TOM1L1: variants seen among roughly 807,000 people sequenced by gnomAD.
TOM1L1 encodes the protein target of myb1 like 1 membrane trafficking protein, also known as TOM1-like protein 1.
TOM1L1 carries 64 observed loss-of-function variants against 63.4 expected under a neutral mutation model. That is an observed-to-expected ratio of 1.01 (90% confidence interval 0.83 to 1.24). TOM1L1 has a LOEUF of 1.24. TOM1L1 is among the 50% of genes most tolerant of loss of function. The pLI is 0.00. For synonymous variants in TOM1L1, 166 were observed against 194.4 expected, an observed-to-expected ratio of 0.85 and a Z score of 1.22; for missense variants, 536 against 567.0, an observed-to-expected ratio of 0.95 and a Z score of 0.55.
intron 7 of TOM1L1, among the ~76,000 whole-genome samples, chr17:54,922,732 A>G (rs930537248): frequency 6.6e-6 from 1 of 152,222 alleles, no homozygotes; most frequent in African/African-American, 2.4e-5. Context: ...AAGGAAGAAG[A>G]AGAGAAATTG....
chr17:54,904,654 C>G (rs1567818282), intron 2 of TOM1L1, among the ~76,000 whole-genome samples: 1 of 152,148 alleles, frequency 6.6e-6, no homozygotes, highest in Non-Finnish European at 1.5e-5. Flanking sequence ...TCTTAAACTT[C>G]TTAAACTTTC....
At chr17:54,923,219 T>C (rs1205982102) in intron 7 of TOM1L1, among the ~76,000 whole-genome samples, 1 of 152,244 alleles carries the variant, frequency 6.6e-6, no homozygotes, top group Non-Finnish European at 1.5e-5. Flanking sequence ...TTTCTTTGAA[T>C]ACCTGTGTTC....
chr17:54,960,554 G>T lies in TOM1L1; in HGVS notation c.1371-12G>T. 6.2e-7 allele frequency: 1 copy of T among 1,610,984 alleles called. No individual in the cohort carries two copies. The highest frequency in any genetic ancestry group is 1.1e-5 in the South Asian group (1 of 90,992). On this transcript the variant is annotated splice_polypyrimidine_tract_variant and intron_variant, in intron 14 of 15. Coordinates refer to ENST00000575882, the MANE Select transcript of TOM1L1 (RefSeq NM_005486.3). Reference sequence around the variant, plus strand: ...GATACATAACCCTTTTGCTGTGATGGCTTTGTTTCAGAGCTATTTATGAAG... The same window carrying T: ...GATACATAACCCTTTTGCTGTGATGTCTTTGTTTCAGAGCTATTTATGAAG...
At chr17:54,933,187 T>A (rs1372988520) in intron 8 of TOM1L1, among the ~76,000 whole-genome samples, 1 of 152,210 alleles carries the variant, frequency 6.6e-6, no homozygotes, top group East Asian at 1.9e-4. Flanking sequence ...TTGCAACAGC[T>A]AGAGGCTGTT....
intron 9 of TOM1L1, among the ~76,000 whole-genome samples, 167 bp downstream of exon 9, chr17:54,936,876 C>T (rs1187524357): frequency 2.1e-5 from 2 of 96,074 alleles, no homozygotes; most frequent in Admixed American, 9.6e-5. Context: ...ATGTTATTAA[C>T]GTTAATGTTA....
chr17:54,939,059 C>A, intron 11 of TOM1L1, 39 bp downstream of exon 11: 2 of 1,311,058 alleles, frequency 1.5e-6, no homozygotes, highest in Non-Finnish European at 2.2e-6. Flanking sequence ...AATATCATGA[C>A]ATTTAGATTC....
chr17:54,929,606 A>G (rs2048823013), intron 7 of TOM1L1, among the ~76,000 whole-genome samples: 1 of 152,164 alleles, frequency 6.6e-6, no homozygotes, highest in Non-Finnish European at 1.5e-5. Context: ...ATAACATTTT[A>G]TGTTTATGCT....
intron 14 of TOM1L1, chr17:54,957,682 T>C (rs2076980012): frequency 6.6e-6 from 1 of 152,070 alleles, no homozygotes; most frequent in Non-Finnish European, 1.5e-5. Context: ...TGCAGGAAAT[T>C]ACTGGGTTTT....
At chr17:54,919,385 C>T (rs1171328419) in intron 7 of TOM1L1, among the ~76,000 whole-genome samples, 2 of 152,150 alleles carry the variant, frequency 1.3e-5, no homozygotes, top group African/African-American at 4.8e-5. Flanking sequence ...GACTTTTTCT[C>T]TCATATTCTC....
intron 11 of TOM1L1, among the ~76,000 whole-genome samples, chr17:54,942,101 G>A (rs2049040118): frequency 6.6e-6 from 1 of 151,768 alleles, no homozygotes; most frequent in South Asian, 2.1e-4. Context: ...TAAAACATAG[G>A]TCATTTTTTT....
intron 7 of TOM1L1, among the ~76,000 whole-genome samples, chr17:54,920,916 A>G (rs2048673490): frequency 1.3e-5 from 2 of 151,930 alleles, no homozygotes; most frequent in South Asian, 2.1e-4. Context: ...TTTCTCAGGA[A>G]AATTATGTAT....
chr17:54,904,663 T>C (rs1171211738), intron 2 of TOM1L1, among the ~76,000 whole-genome samples: 1 of 152,240 alleles, frequency 6.6e-6, no homozygotes, highest in Non-Finnish European at 1.5e-5. Flanking sequence ...TCTTAAACTT[T>C]CGAGAATCGA....
intron 7 of TOM1L1, 183 bp downstream of exon 7, chr17:54,916,045 C>A: frequency 2.0e-6 from 1 of 489,816 alleles, no homozygotes; most frequent in Non-Finnish European, 3.6e-6. Flanking sequence ...GCAGTAGTAA[C>A]TTAGACATGG....
intron 7 of TOM1L1, among the ~76,000 whole-genome samples, chr17:54,918,051 A>C (rs2048620921): frequency 6.6e-6 from 1 of 152,028 alleles, no homozygotes; most frequent in African/African-American, 2.4e-5. Context: ...ACCTCAACCA[A>C]TCTGTTAGAG....
chr17:54,920,656 A>G (rs1290422481), intron 7 of TOM1L1, among the ~76,000 whole-genome samples: 2 of 152,076 alleles, frequency 1.3e-5, no homozygotes, highest in Non-Finnish European at 2.9e-5. Context: ...GGCCTTGGGC[A>G]CTCACATGGT....
intron 7 of TOM1L1, among the ~76,000 whole-genome samples, chr17:54,929,741 G>GGTT (rs1555610158): frequency 1.4e-5 from 2 of 142,014 alleles, no homozygotes; most frequent in South Asian, 4.4e-4. Context: ...AAAAACATGT[G>GGTT]TTTTTTTTTT....
intron 10 of TOM1L1, chr17:54,938,585 G>A (rs1598042627): frequency 5.4e-6 from 1 of 186,060 alleles, no homozygotes; most frequent in Non-Finnish European, 1.1e-5. Context: ...TTTGTGCTAG[G>A]CAGAACAAGA....
At chr17:54,923,504 G>C (rs75229711) in intron 7 of TOM1L1, among the ~76,000 whole-genome samples, 2,760 of 151,464 alleles carry the variant, frequency 0.018, 94 homozygotes, top group African/African-American at 0.064. Flanking sequence ...TAATGAATTT[G>C]AGTGTCTGTA....
chr17:54,907,131 T>G (rs1328420913), intron 3 of TOM1L1, among the ~76,000 whole-genome samples: 1 of 150,146 alleles, frequency 6.7e-6, no homozygotes, highest in Non-Finnish European at 1.5e-5. Context: ...AATATAGTTT[T>G]AGAGGCATTT....
Sources: gnomAD v4.1 joint callset for allele counts (sites outside exome capture counted in the v4.1 genomes callset) on GRCh38, gnomAD v4.1.1 for gene constraint, MANE v1.5 for transcripts, NCBI Gene and HGNC (gene_info 2026-07-23, HGNC 2026-07-21) for gene names.